The following SPAG16 variants were observed in gnomAD, a reference collection of about 807,000 sequenced individuals.
SPAG16 encodes the protein sperm associated antigen 16.
A neutral mutation model predicts 80.4 loss-of-function variants in SPAG16; 86 were observed. The observed-to-expected ratio is 1.07, with a 90% CI of 0.90 to 1.28. The LOEUF is 1.28. SPAG16 is among the 50% of genes most tolerant of loss of function. The pLI, the probability that SPAG16 is intolerant of heterozygous loss-of-function variation, is 0.00. For missense variants in SPAG16, 870 were observed against 765.3 expected (o/e 1.14, Z -1.61); for synonymous variants, 294 against 265.9 (o/e 1.11, Z -1.03).
rs1321299442 is a variant in SPAG16, at chr2:213,833,512, AAT to A, written c.1071-28965_1071-28964del. Reference sequence around the variant, plus strand: ...TATATATAATATATATATTATATATAATATATATAATATATATATTATATATA... The same window carrying A: ...TATATATAATATATATATTATATATAATATATAATATATATATTATATATA... On this transcript the variant is annotated intron_variant, in intron 10 of 15. Transcript: ENST00000331683. Among the ~76,000 whole-genome samples the A allele has an allele frequency of 6.9e-3, 7 of 1,008 alleles. 2 individuals carry two copies. The highest frequency in any genetic ancestry group is 0.018 in the African/African-American group (7 of 386). The allele number at this position is 1,008 out of a possible 152,430, so 0.7% of individuals were successfully genotyped here.
intron 15 of SPAG16, among the ~76,000 whole-genome samples, chr2:214,408,962 A>T (rs1468715032): frequency 6.6e-6 from 1 of 151,772 alleles, no homozygotes; most frequent in African/African-American, 2.4e-5. Context: ...ACAGATAAAT[A>T]GTACTATTTA....
At chr2:213,760,599 C>A (rs77095534) in intron 10 of SPAG16, among the ~76,000 whole-genome samples, 1 of 151,736 alleles carries the variant, frequency 6.6e-6, no homozygotes, top group East Asian at 1.9e-4. Flanking sequence ...CGTACACATT[C>A]TTCTCAAGTG....
intron 10 of SPAG16, among the ~76,000 whole-genome samples, chr2:213,684,491 G>A (rs995013296): frequency 1.3e-5 from 2 of 152,038 alleles, no homozygotes; most frequent in African/African-American, 4.8e-5. Flanking sequence ...CTTTTCTAAT[G>A]TTCACATATT....
At chr2:214,034,882 T>TGTTACA (rs1230844352) in intron 13 of SPAG16, among the ~76,000 whole-genome samples, 1 of 152,238 alleles carries the variant, frequency 6.6e-6, no homozygotes, top group Non-Finnish European at 1.5e-5. Context: ...GCCTTGCTCA[T>TGTTACA]GTTACAGCTC....
chr2:213,808,371 T>C (rs541368921), intron 10 of SPAG16, among the ~76,000 whole-genome samples: 1 of 152,202 alleles, frequency 6.6e-6, no homozygotes, highest in African/African-American at 2.4e-5. Context: ...AACGAGAACA[T>C]TTACTGGAAA....
At chr2:213,915,265 G>T (rs1240970147) in intron 11 of SPAG16, among the ~76,000 whole-genome samples, 1 of 151,954 alleles carries the variant, frequency 6.6e-6, no homozygotes, top group Non-Finnish European at 1.5e-5. Flanking sequence ...TTCTTCTAAT[G>T]CTATCCCTCC....
intron 9 of SPAG16, among the ~76,000 whole-genome samples, chr2:213,395,720 C>T (rs1307874225): frequency 1.3e-5 from 2 of 152,138 alleles, no homozygotes; most frequent in African/African-American, 4.8e-5. Context: ...CAGAGTTCCC[C>T]TTAGATTGTC....
intron 14 of SPAG16, among the ~76,000 whole-genome samples, chr2:214,147,178 A>T (rs868202380): frequency 6.6e-6 from 1 of 152,194 alleles, no homozygotes; most frequent in Non-Finnish European, 1.5e-5. Context: ...CTGGCTCATT[A>T]AAAGCATTTC....
At chr2:213,400,600 C>T (rs1260612648) in intron 9 of SPAG16, among the ~76,000 whole-genome samples, 1 of 152,058 alleles carries the variant, frequency 6.6e-6, no homozygotes, top group African/African-American at 2.4e-5. Context: ...TTTCTTTATT[C>T]CTGTAGTTTT....
chr2:214,018,299 A>G (rs2047690011), intron 13 of SPAG16, among the ~76,000 whole-genome samples: 1 of 152,160 alleles, frequency 6.6e-6, no homozygotes, highest in African/African-American at 2.4e-5. Flanking sequence ...CCCAGGTTTT[A>G]AAAAATTTAT....
At chr2:213,717,134 C>T (rs951152075) in intron 10 of SPAG16, among the ~76,000 whole-genome samples, 26 of 151,292 alleles carry the variant, frequency 1.7e-4, no homozygotes, top group African/African-American at 5.8e-4. Context: ...CGTAACTCAA[C>T]TGTGAAAAGC....
intron 12 of SPAG16, among the ~76,000 whole-genome samples, chr2:213,976,155 C>T (rs924975337): frequency 4.9e-5 from 7 of 141,662 alleles, no homozygotes; most frequent in Admixed American, 4.3e-4. Flanking sequence ...CACACACACA[C>T]GTATGTATAT....
At chr2:213,300,442 A>G (rs2126083873) in intron 3 of SPAG16, among the ~76,000 whole-genome samples, 2 of 152,346 alleles carry the variant, frequency 1.3e-5, no homozygotes, top group Middle Eastern at 6.8e-3. Flanking sequence ...GGGGTCCCCA[A>G]GACCCCTTTT....
At chr2:213,679,958 T>TA (rs1330111812) in intron 10 of SPAG16, among the ~76,000 whole-genome samples, 1 of 152,054 alleles carries the variant, frequency 6.6e-6, no homozygotes, top group Non-Finnish European at 1.5e-5. Context: ...GATAGACTAA[T>TA]ACACAATATT....
At chr2:213,970,331 G>A (rs1276149056) in intron 12 of SPAG16, among the ~76,000 whole-genome samples, 3 of 150,034 alleles carry the variant, frequency 2.0e-5, no homozygotes, top group African/African-American at 4.9e-5. Flanking sequence ...TTTATAGATA[G>A]CATCTTATTG....
chr2:213,340,107 A>G lies in SPAG16; in HGVS notation c.537-56A>G, dbSNP rs569352827. 6.8e-5 allele frequency: 79 copies of G among 1,166,560 alleles called. No individual in the cohort carries two copies. In the African/African-American group the frequency reaches 9.8e-4, roughly 14 times the overall value. 72.3% of individuals were successfully genotyped at this position (1,166,560 alleles called of 1,614,324 possible). ...ATACTGGATTTGAACTCAAGACTAA[A>G]TAATTTTTCGAAAAAGAATTAGCAG... is the stretch of plus-strand genomic sequence containing the variant. On this transcript the variant is annotated intron_variant, in intron 5 of 15. Transcript: ENST00000331683.
chr2:214,180,253 C>A (rs560735573), intron 15 of SPAG16, among the ~76,000 whole-genome samples: 70 of 151,588 alleles, frequency 4.6e-4, no homozygotes, highest in Middle Eastern at 6.8e-3. Context: ...GGGAAGAATG[C>A]GGCAAGCCTG....
At chr2:213,624,873 C>A (rs890936350) in intron 10 of SPAG16, among the ~76,000 whole-genome samples, 2 of 152,132 alleles carry the variant, frequency 1.3e-5, no homozygotes, top group African/African-American at 4.8e-5. Context: ...TCACTGCAAC[C>A]TCTGCCTCCC....
intron 11 of SPAG16, among the ~76,000 whole-genome samples, chr2:213,871,901 A>C (rs1395196186): frequency 6.9e-6 from 1 of 145,796 alleles, no homozygotes; most frequent in Non-Finnish European, 1.5e-5. Flanking sequence ...GAGAGAGAGC[A>C]AACAGCAGTA....
Sources: gnomAD v4.1 joint callset for allele counts (sites outside exome capture counted in the v4.1 genomes callset) on GRCh38, gnomAD v4.1.1 for gene constraint, MANE v1.5 for transcripts, NCBI Gene and HGNC (gene_info 2026-07-23, HGNC 2026-07-21) for gene names.